The following TMEM123 variants were observed in gnomAD, a reference collection of about 807,000 sequenced individuals.
TMEM123 encodes the protein porimin.
TMEM123 carries 16 observed loss-of-function variants against 19.7 expected under a neutral mutation model. The ratio of observed to expected loss-of-function variants is 0.81; its 90% CI spans 0.55 to 1.23. The LOEUF is 1.23. Ranked by LOEUF, TMEM123 falls within the 50% of genes most tolerant of loss-of-function variation. The probability of loss-of-function intolerance (pLI) is 0.00; values close to 1 mark genes in which losing one functional copy is unlikely to be tolerated. For synonymous variants in TMEM123, 118 were observed against 99.4 expected, an observed-to-expected ratio of 1.19 and a Z score of -1.12; for missense variants, 313 against 257.8, an observed-to-expected ratio of 1.21 and a Z score of -1.47.
chr11:102,398,344 A>G lies in TMEM123; in HGVS notation c.*523T>C. ...TAGACCAACTACTACAGTTTAAAGC[A>G]CAAAAAATGTTGATGTTTTTCTTAA... On this transcript the variant is annotated 3_prime_UTR_variant, in exon 5 of 5. Coordinates refer to ENST00000398136, the MANE Select transcript of TMEM123 (RefSeq NM_052932.3). The G allele has an allele frequency of 2.7e-6, 1 of 376,036 alleles. No individual in the cohort carries two copies. Among genetic ancestry groups the G allele is most frequent in the Non-Finnish European group, 4.7e-6 (1 of 212,714 alleles). The allele number at this position is 376,036 out of a possible 1,614,324, so 23.3% of individuals were successfully genotyped here. A position where few individuals can be genotyped will look rare whatever the true frequency, so the allele number is the denominator to read the frequency against.
chr11:102,413,092 T>C (rs975736891), intron 2 of TMEM123, among the ~76,000 whole-genome samples: 5 of 152,164 alleles, frequency 3.3e-5, no homozygotes, highest in Admixed American at 2.0e-4. Context: ...AATGCATATA[T>C]TGGAAAGAAA....
At chr11:102,430,968 GA>G (rs1164243694) in intron 2 of TMEM123, among the ~76,000 whole-genome samples, 2 of 152,074 alleles carry the variant, frequency 1.3e-5, no homozygotes, top group Non-Finnish European at 2.9e-5. Context: ...AATGTGGGGT[GA>G]AAAAAGTAGT....
intron 2 of TMEM123, among the ~76,000 whole-genome samples, chr11:102,437,756 T>C (rs1359851816): frequency 6.6e-6 from 1 of 152,208 alleles, no homozygotes; most frequent in Non-Finnish European, 1.5e-5. Context: ...ACATTCTAAG[T>C]CGTCAGAATC....
intron 2 of TMEM123, among the ~76,000 whole-genome samples, chr11:102,413,123 T>C (rs1232256480): frequency 1.3e-5 from 2 of 152,176 alleles, no homozygotes; most frequent in East Asian, 1.9e-4. Flanking sequence ...ACTTTTGATG[T>C]GAGAGTAAGC....
intron 2 of TMEM123, among the ~76,000 whole-genome samples, chr11:102,417,302 G>A (rs926034995): frequency 4.6e-5 from 7 of 151,944 alleles, no homozygotes; most frequent in Non-Finnish European, 5.9e-5. Flanking sequence ...GCAAAGTTTC[G>A]GGATGCAAAA....
At chr11:102,404,088 A>T (rs1000399304) in intron 2 of TMEM123, among the ~76,000 whole-genome samples, 11 of 152,022 alleles carry the variant, frequency 7.2e-5, no homozygotes. Flanking sequence ...ATTTTATTAT[A>T]TATGTCCACA....
chr11:102,427,596 C>T (rs1246099843), intron 2 of TMEM123, among the ~76,000 whole-genome samples: 2 of 150,296 alleles, frequency 1.3e-5, no homozygotes, highest in Non-Finnish European at 3.0e-5. Flanking sequence ...CCCAGCACTT[C>T]GGGAGGCTGA....
intron 2 of TMEM123, among the ~76,000 whole-genome samples, chr11:102,433,840 T>G (rs948295217): frequency 6.6e-6 from 1 of 151,738 alleles, no homozygotes; most frequent in African/African-American, 2.4e-5. Context: ...GTGTCTGGCA[T>G]TTCCCCTGCT....
chr11:102,417,121 A>G (rs995914145), intron 2 of TMEM123, among the ~76,000 whole-genome samples: 5 of 152,190 alleles, frequency 3.3e-5, no homozygotes. Flanking sequence ...TATTCAAGAC[A>G]GTACTGGAAG....
At chr11:102,430,436 T>C (rs959290234) in intron 2 of TMEM123, among the ~76,000 whole-genome samples, 1 of 152,140 alleles carries the variant, frequency 6.6e-6, no homozygotes, top group African/African-American at 2.4e-5. Flanking sequence ...TATAAGCCAG[T>C]AAACCACAAA....
intron 2 of TMEM123, among the ~76,000 whole-genome samples, chr11:102,419,662 T>C (rs1303706665): frequency 2.6e-5 from 4 of 152,256 alleles, no homozygotes; most frequent in Non-Finnish European, 5.9e-5. Context: ...AATAGGTCTC[T>C]ATTAGAAGAA....
In TMEM123 at chr11:102,433,203, G is replaced by T. The variant is rs943411625; in HGVS notation, c.157+15609C>A. Among the ~76,000 whole-genome samples the T allele has an allele frequency of 5.3e-5, 8 of 151,868 alleles. 1 individual carries two copies. Among genetic ancestry groups the T allele is most frequent in the Admixed American group, 4.6e-4 (7 of 15,194 alleles). On this transcript the variant is annotated intron_variant, in intron 2 of 4. Transcript: ENST00000398136. ...CCATCAACAGCTTGCACTGTGTCTG[G>T]AAAAGCCACAGACACTCAACGCCAG...
intron 2 of TMEM123, among the ~76,000 whole-genome samples, chr11:102,422,038 T>C (rs1446420533): frequency 1.3e-5 from 2 of 152,232 alleles, no homozygotes; most frequent in African/African-American, 2.4e-5. Flanking sequence ...TTAACAAAAA[T>C]CTACCTGAAT....
intron 2 of TMEM123, among the ~76,000 whole-genome samples, chr11:102,404,727 G>A (rs898257547): frequency 6.6e-6 from 1 of 152,058 alleles, no homozygotes; most frequent in African/African-American, 2.4e-5. Flanking sequence ...AGCCTCCTTA[G>A]TAGCTGGGAT....
intron 2 of TMEM123, among the ~76,000 whole-genome samples, chr11:102,428,301 C>CATTTT (rs1378190590): frequency 6.6e-6 from 1 of 151,830 alleles, no homozygotes; most frequent in Non-Finnish European, 1.5e-5. Flanking sequence ...TAAAAAAAGT[C>CATTTT]ATTTTATTTT....
chr11:102,431,828 G>A (rs536842711), intron 2 of TMEM123, among the ~76,000 whole-genome samples: 2 of 152,126 alleles, frequency 1.3e-5, no homozygotes, highest in Non-Finnish European at 2.9e-5. Context: ...GAATCATGGG[G>A]GCAGTTTCCC....
At chr11:102,447,421 T>C (rs1255811575) in intron 2 of TMEM123, among the ~76,000 whole-genome samples, 2 of 152,220 alleles carry the variant, frequency 1.3e-5, no homozygotes, top group Admixed American at 1.3e-4. Context: ...TGAGTTTCAA[T>C]TTCCCCATGT....
At chr11:102,417,750 G>GACTACAGTAA (rs954235908) in intron 2 of TMEM123, among the ~76,000 whole-genome samples, 1 of 152,014 alleles carries the variant, frequency 6.6e-6, no homozygotes, top group Admixed American at 6.6e-5. Flanking sequence ...TATACTACAA[G>GACTACAGTAA]ACTACAGTAA....
chr11:102,412,220 C>T (rs1005973043), intron 2 of TMEM123, among the ~76,000 whole-genome samples: 1 of 152,100 alleles, frequency 6.6e-6, no homozygotes, highest in Non-Finnish European at 1.5e-5. Flanking sequence ...CATCTGAGGT[C>T]AAGAGTTCAA....
Sources: gnomAD v4.1 joint callset for allele counts (sites outside exome capture counted in the v4.1 genomes callset) on GRCh38, gnomAD v4.1.1 for gene constraint, MANE v1.5 for transcripts, NCBI Gene and HGNC (gene_info 2026-07-23, HGNC 2026-07-21) for gene names.